The following CAMK2A variants were observed in gnomAD, a reference collection of about 807,000 sequenced individuals.
CAMK2A encodes the protein calcium/calmodulin-dependent protein kinase type II subunit alpha.
In CAMK2A, 7 loss-of-function variants were observed where a neutral mutation model predicts 79.2. That is an observed-to-expected ratio of 0.09 (90% CI 0.05 to 0.17). The LOEUF (loss-of-function observed/expected upper bound fraction) is 0.17, where lower values mean the gene tolerates loss of function less well. CAMK2A is among the 10% of genes least tolerant of loss of function. CAMK2A has a pLI of 1.00. For missense variants in CAMK2A, 214 were observed against 646.4 expected (o/e 0.33, Z 7.25); for synonymous variants, 242 against 251.7 (o/e 0.96, Z 0.36).
intron 1 of CAMK2A, among the ~76,000 whole-genome samples, chr5:150,278,573 G>A (rs1313409841): frequency 1.3e-5 from 2 of 152,156 alleles, no homozygotes; most frequent in Non-Finnish European, 1.5e-5. Context: ...GCCAAGTTGG[G>A]GAGGGCAAGG....
intron 13 of CAMK2A, among the ~76,000 whole-genome samples, chr5:150,243,647 A>G (rs1445332498): frequency 2.6e-5 from 4 of 152,246 alleles, no homozygotes; most frequent in Admixed American, 2.0e-4. Context: ...TCTAATACAT[A>G]AAATAGAGGA....
chr5:150,252,371 A>G (rs1329810067), intron 7 of CAMK2A, among the ~76,000 whole-genome samples: 1 of 152,198 alleles, frequency 6.6e-6, no homozygotes, highest in African/African-American at 2.4e-5. Context: ...ACTCAGGATC[A>G]TAAGCTTCTC....
At chr5:150,280,316 G>A (rs979097096) in intron 1 of CAMK2A, among the ~76,000 whole-genome samples, 1 of 152,134 alleles carries the variant, frequency 6.6e-6, no homozygotes, top group Non-Finnish European at 1.5e-5. Context: ...GGGTCTGATT[G>A]TCTGGGCCCC....
chr5:150,259,724 T>C (rs572831169), intron 3 of CAMK2A, among the ~76,000 whole-genome samples: 2 of 152,162 alleles, frequency 1.3e-5, no homozygotes, highest in South Asian at 4.2e-4. Context: ...ATCCCAGCAC[T>C]TTGGGAGGCC....
intron 15 of CAMK2A, chr5:150,238,459 T>C (rs1436193906): frequency 2.2e-6 from 1 of 455,660 alleles, no homozygotes; most frequent in African/African-American, 2.1e-5. Context: ...CTCAAAAAAA[T>C]AAAATAAAAA....
At chr5:150,230,603 C>T (rs955639654) in intron 16 of CAMK2A, among the ~76,000 whole-genome samples, 5 of 152,216 alleles carry the variant, frequency 3.3e-5, no homozygotes, top group Non-Finnish European at 5.9e-5. Context: ...TATTTGCTCT[C>T]CCGGGGGCCA....
chr5:150,241,453 TCC>T (rs1224111886), intron 13 of CAMK2A, among the ~76,000 whole-genome samples: 6 of 134,434 alleles, frequency 4.5e-5, no homozygotes, highest in African/African-American at 1.7e-4. Context: ...TCTCTTTTAC[TCC>T]GTTCCCTCGC....
chr5:150,233,127 G>T (rs1348680675), intron 15 of CAMK2A, among the ~76,000 whole-genome samples: 1 of 152,216 alleles, frequency 6.6e-6, no homozygotes, highest in African/African-American at 2.4e-5. Flanking sequence ...CCTGGAACAG[G>T]CTTGGCCCCA....
In CAMK2A at chr5:150,282,069, G is replaced by A. The variant is rs765912714; in HGVS notation, c.62+7495C>T. On this transcript the variant is annotated intron_variant, in intron 1 of 18. Transcript: ENST00000671881. ...TGTAAGCAGAACTCCACAGAACAAAGCATTATACAGCTAGAAAATCCTAGG... is the reference window on the plus strand; with the variant it reads ...TGTAAGCAGAACTCCACAGAACAAAACATTATACAGCTAGAAAATCCTAGG... 7.2e-4 allele frequency among the ~76,000 whole-genome samples: 109 copies of A among 152,218 alleles called. 1 individual carries two copies. The Middle Eastern group carries it at 0.014, about 19-fold the overall frequency.
At chr5:150,242,917 C>A (rs1024567337) in intron 13 of CAMK2A, among the ~76,000 whole-genome samples, 1 of 152,196 alleles carries the variant, frequency 6.6e-6, no homozygotes, top group African/African-American at 2.4e-5. Flanking sequence ...GGATGAGCTA[C>A]AAAGAGATGG....
At chr5:150,274,244 A>C (rs1391665280) in intron 1 of CAMK2A, among the ~76,000 whole-genome samples, 2 of 152,232 alleles carry the variant, frequency 1.3e-5, no homozygotes, top group African/African-American at 4.8e-5. Flanking sequence ...AGTAATTATA[A>C]GAGAACTTGG....
At position 150,253,431 on chromosome 5, in the gene CAMK2A, C is replaced by G; in HGVS notation, c.514+13G>C. On this transcript the variant is annotated intron_variant, in intron 7 of 18. Transcript: ENST00000671881. ...GCTGACCCCCAACACTTCTGCCAGC[C>G]CACCCCACTTACCAAACCATGCCTG... 6.2e-7 allele frequency: 1 copy of G among 1,604,348 alleles called. No homozygotes were observed. The highest frequency in any genetic ancestry group is 8.5e-7 in the Non-Finnish European group (1 of 1,171,164).
intron 3 of CAMK2A, among the ~76,000 whole-genome samples, chr5:150,258,019 G>A (rs940674243): frequency 5.9e-5 from 9 of 152,220 alleles, no homozygotes; most frequent in African/African-American, 2.2e-4. Context: ...TGGACAATGA[G>A]AATGAAACTC....
Position 150,221,480 on chromosome 5 carries a change from A to G in CAMK2A, c.*1230T>C. The stretch of plus-strand genomic sequence containing the variant: ...GGCGGCACACAGATATGGTGAGATG[A>G]AATCCTGGGAAGTTCGGTAGAGAAG... On this transcript the variant is annotated 3_prime_UTR_variant, in exon 19 of 19. Coordinates refer to ENST00000671881, the MANE Select transcript of CAMK2A (RefSeq NM_015981.4). 2.5e-6 allele frequency: 1 copy of G among 398,696 alleles called. No homozygotes were observed. The highest frequency in any genetic ancestry group is 4.4e-6 in the Non-Finnish European group (1 of 226,048). The allele number at this position is 398,696 out of a possible 1,614,324, so 24.7% of individuals were successfully genotyped here.
intron 1 of CAMK2A, among the ~76,000 whole-genome samples, chr5:150,276,356 C>A (rs79011506): frequency 1.3e-5 from 2 of 152,274 alleles, no homozygotes; most frequent in African/African-American, 2.4e-5. Context: ...GAATACCCAG[C>A]GTCTAGTGCC....
At chr5:150,274,055 G>C (rs1231867698) in intron 1 of CAMK2A, among the ~76,000 whole-genome samples, 2 of 152,210 alleles carry the variant, frequency 1.3e-5, no homozygotes, top group Non-Finnish European at 2.9e-5. Context: ...GAATGCAAGA[G>C]TGCCTGTTTC....
At chr5:150,287,044 C>T (rs1486900146) in intron 1 of CAMK2A, among the ~76,000 whole-genome samples, 3 of 152,208 alleles carry the variant, frequency 2.0e-5, no homozygotes, top group East Asian at 3.9e-4. Context: ...AGGGACAGCG[C>T]CTGTGTCCCT....
In CAMK2A at chr5:150,281,892, C is replaced by T. The variant is rs139580823; in HGVS notation, c.62+7672G>A. On this transcript the variant is annotated intron_variant, in intron 1 of 18. Coordinates refer to ENST00000671881, the MANE Select transcript of CAMK2A (RefSeq NM_015981.4). ...TAAGTAATTTTTAAGCCTTCTCTTT[C>T]TTTCTTTCCCATTTAGGCATTAGTA... Among the ~76,000 whole-genome samples, 326 of 152,300 alleles carry T rather than the reference C, an allele frequency of 2.1e-3. 2 individuals carry two copies. Among genetic ancestry groups the T allele is most frequent in the African/African-American group, 7.7e-3 (319 of 41,560 alleles).
chr5:150,268,700 C>G (rs77338189), intron 2 of CAMK2A, among the ~76,000 whole-genome samples: 9,803 of 152,292 alleles, frequency 0.064, 438 homozygotes, highest in African/African-American at 0.13. Context: ...CCATAGCAAA[C>G]AAGTGGCAGG....
Sources: allele counts gnomAD v4.1 joint callset (sites outside exome capture counted in the v4.1 genomes callset), GRCh38; gene constraint gnomAD v4.1.1; transcripts MANE v1.5; gene names NCBI Gene and HGNC (gene_info 2026-07-23, HGNC 2026-07-21).